The following SCARA5 variants were observed in gnomAD, a reference collection of about 807,000 sequenced individuals.
The protein encoded by SCARA5 is scavenger receptor class A, member 5 (putative).
In SCARA5, 45 loss-of-function variants were observed where a neutral mutation model predicts 46.3. The ratio of observed to expected loss-of-function variants is 0.97; its 90% confidence interval spans 0.76 to 1.24. The LOEUF (loss-of-function observed/expected upper bound fraction) is 1.24, where lower values mean the gene tolerates loss of function less well. Among genes scored for constraint, SCARA5 ranks in the 50% most tolerant of loss-of-function variants. The probability of loss-of-function intolerance (pLI) is 0.00; values close to 1 mark genes in which losing one functional copy is unlikely to be tolerated. For missense variants in SCARA5, 680 were observed against 689.0 expected, an observed-to-expected ratio of 0.99 and a Z score of 0.15; for synonymous variants, 333 against 306.5, an observed-to-expected ratio of 1.09 and a Z score of -0.90.
intron 7 of SCARA5, among the ~76,000 whole-genome samples, chr8:27,901,430 G>A (rs1039116067): frequency 2.6e-5 from 4 of 152,054 alleles, no homozygotes; most frequent in Admixed American, 6.5e-5. Flanking sequence ...TTCCCACCCC[G>A]TAGATCCTAC....
At chr8:27,892,025 G>T (rs957097407) in intron 7 of SCARA5, among the ~76,000 whole-genome samples, 3 of 152,230 alleles carry the variant, frequency 2.0e-5, no homozygotes, top group African/African-American at 7.2e-5. Flanking sequence ...ACGTGGGAAA[G>T]ACCGTGAATC....
At position 27,905,523 on chromosome 8, in the gene SCARA5, T is replaced by TGGCGGGG. The variant is rs751627046; in HGVS notation, c.1097-690_1097-689insCCCCGCC. Among the ~76,000 whole-genome samples the TGGCGGGG allele has an allele frequency of 2.1e-3, 112 of 53,668 alleles. 13 individuals carry two copies. In the Middle Eastern group the frequency reaches 0.049, roughly 23 times the overall value. The allele number at this position is 53,668 out of a possible 152,430, so 35.2% of individuals were successfully genotyped here. A position where few individuals can be genotyped will look rare whatever the true frequency, so the allele number is the denominator to read the frequency against. On this transcript the variant is annotated intron_variant, in intron 6 of 8. Transcript: ENST00000354914. ...AGAATGCCCAGGATGATCCAAGATT[T>TGGCGGGG]GGGGGGGGGAAAAAAAAAAGGCAGC...
chr8:27,925,021 G>A (rs1240513193), intron 3 of SCARA5, among the ~76,000 whole-genome samples: 5 of 152,140 alleles, frequency 3.3e-5, no homozygotes, highest in African/African-American at 4.8e-5. Context: ...TTCCATGCTC[G>A]TGAATAGGAA....
intron 3 of SCARA5, among the ~76,000 whole-genome samples, chr8:27,938,285 T>G (rs574097208): frequency 6.6e-6 from 1 of 152,216 alleles, no homozygotes; most frequent in Non-Finnish European, 1.5e-5. Context: ...GTGAATATAC[T>G]TATCACTTCT....
At chr8:27,983,489 G>A (rs1006102155) in intron 2 of SCARA5, among the ~76,000 whole-genome samples, 1 of 152,180 alleles carries the variant, frequency 6.6e-6, no homozygotes, top group African/African-American at 2.4e-5. Context: ...GTCCAACCCC[G>A]TGAAATCCCC....
At chr8:27,945,808 A>G (rs1808027384) in intron 3 of SCARA5, among the ~76,000 whole-genome samples, 1 of 152,248 alleles carries the variant, frequency 6.6e-6, no homozygotes, top group African/African-American at 2.4e-5. Context: ...TGACACAATG[A>G]ATAATCAAAT....
chr8:27,883,227 T>C (rs1366052202), intron 7 of SCARA5, among the ~76,000 whole-genome samples: 1 of 152,200 alleles, frequency 6.6e-6, no homozygotes, highest in Non-Finnish European at 1.5e-5. Flanking sequence ...CAAGGGGAAA[T>C]GTTGGGGACC....
chr8:27,923,759 G>C (rs534103796), intron 3 of SCARA5, among the ~76,000 whole-genome samples: 1 of 152,234 alleles, frequency 6.6e-6, no homozygotes, highest in African/African-American at 2.4e-5. Flanking sequence ...TATTTTAATA[G>C]AGATGGGGTT....
At chr8:27,933,520 T>TCAA (rs1563530842) in intron 3 of SCARA5, among the ~76,000 whole-genome samples, 1 of 3,744 alleles carries the variant, frequency 2.7e-4, no homozygotes, top group African/African-American at 4.4e-4. Flanking sequence ...AGACTCCATC[T>TCAA]TAAAAAAAAA....
chr8:27,879,660 G>A lies in SCARA5; in HGVS notation c.1260C>T (p.Asp420=), dbSNP rs1283702531. ...CGTCTCCGTCCTTCTTGTCCCAGCC[G>A]TCGTCACACACGGTGCCCCAACGCC... ...HDRRWGTVCD[D]GWDKKDGDVV... Residue 420 remains aspartate (D), a synonymous_variant, in exon 8 of 9, where the codon GAC becomes GAT. Transcript: ENST00000354914. 4.3e-6 allele frequency: 7 copies of A among 1,612,760 alleles called. No individual in the cohort carries two copies. Among genetic ancestry groups the A allele is most frequent in the Non-Finnish European group, 5.1e-6 (6 of 1,180,010 alleles).
chr8:27,872,206 C>T (rs936085206), intron 8 of SCARA5, 136 bp from the exon 9 acceptor site: 21 of 777,544 alleles, frequency 2.7e-5, no homozygotes, highest in South Asian at 5.2e-5. Flanking sequence ...GCCCTCTCCA[C>T]GCCCCCCGAA....
At position 27,922,234 on chromosome 8, in the gene SCARA5, G is replaced by C; in HGVS notation, c.253C>G (p.Arg85Gly). ...GCCTTCAGGTCGTCAGGGGAGCTGC[G>C]CGGCCTGGACACTGCGGAGGAGGAA... ...GIFILAVSRPRSSPDDLKALT... is the reference protein window; with the variant it reads ...GIFILAVSRPGSSPDDLKALT... Residue 85 changes from arginine to glycine, a missense_variant, in exon 4 of 9, where the codon CGC becomes GGC. Physicochemically the swap from Arg to Gly is moderately radical, Grantham distance 125. Transcript: ENST00000354914. 6.4e-7 allele frequency: 1 copy of C among 1,566,800 alleles called. No homozygotes were observed. The highest frequency in any genetic ancestry group is 8.7e-7 in the Non-Finnish European group (1 of 1,155,052).
intron 7 of SCARA5, among the ~76,000 whole-genome samples, chr8:27,895,027 A>G (rs1230486177): frequency 6.6e-6 from 1 of 152,194 alleles, no homozygotes; most frequent in Non-Finnish European, 1.5e-5. Context: ...TTGCCTCTAC[A>G]GAAAAGCAGA....
At chr8:27,925,454 G>T (rs1047157315) in intron 3 of SCARA5, among the ~76,000 whole-genome samples, 4 of 152,136 alleles carry the variant, frequency 2.6e-5, no homozygotes, top group African/African-American at 9.7e-5. Context: ...GCTGAAACGG[G>T]ATCCCTTCCT....
chr8:27,905,523 T>TGGCGGGGGGGGG (rs751627046), intron 6 of SCARA5, among the ~76,000 whole-genome samples: 3 of 53,684 alleles, frequency 5.6e-5, no homozygotes, highest in Admixed American at 2.0e-4. Flanking sequence ...ATCCAAGATT[T>TGGCGGGGGGGGG]GGGGGGGGGA....
At chr8:27,912,861 G>A (rs767647041) in intron 4 of SCARA5, among the ~76,000 whole-genome samples, 10 of 152,356 alleles carry the variant, frequency 6.6e-5, no homozygotes, top group Admixed American at 1.3e-4. Context: ...GACATCATCT[G>A]GAAGGTGGGC....
At chr8:27,894,637 T>C (rs1418581738) in intron 7 of SCARA5, among the ~76,000 whole-genome samples, 2 of 152,182 alleles carry the variant, frequency 1.3e-5, no homozygotes, top group African/African-American at 4.8e-5. Flanking sequence ...AACTCCCTAG[T>C]TGTGGGGCCT....
At chr8:27,932,540 G>A (rs1225984480) in intron 3 of SCARA5, among the ~76,000 whole-genome samples, 2 of 152,218 alleles carry the variant, frequency 1.3e-5, no homozygotes, top group African/African-American at 4.8e-5. Flanking sequence ...CCAGGCTGGT[G>A]TCTCCTGAGG....
chr8:27,952,585 T>C (rs1266917855), intron 3 of SCARA5, among the ~76,000 whole-genome samples: 1 of 152,220 alleles, frequency 6.6e-6, no homozygotes, highest in Non-Finnish European at 1.5e-5. Flanking sequence ...CCTGTGGGCC[T>C]GAGAGTGACA....
Sources: allele counts gnomAD v4.1 joint callset (sites outside exome capture counted in the v4.1 genomes callset), GRCh38; gene constraint gnomAD v4.1.1; transcripts MANE v1.5; gene names NCBI Gene and HGNC (gene_info 2026-07-23, HGNC 2026-07-21).